The following ETS1 variants were observed in gnomAD, a reference collection of about 807,000 sequenced individuals.
ETS1 encodes the protein protein C-ets-1.
A neutral mutation model predicts 58.6 loss-of-function variants in ETS1; 15 were observed. The observed-to-expected ratio is 0.26, with a 90% CI of 0.17 to 0.39. The LOEUF (loss-of-function observed/expected upper bound fraction) is 0.39, where lower values mean the gene tolerates loss of function less well. ETS1 is among the 10% of genes least tolerant of loss of function. ETS1 has a pLI of 1.00. For missense variants in ETS1, 417 were observed against 610.5 expected, an observed-to-expected ratio of 0.68 and a Z score of 3.34; for synonymous variants, 214 against 218.2, an observed-to-expected ratio of 0.98 and a Z score of 0.17.
chr11:128,470,567 C>A (rs1862160598), intron 8 of ETS1, among the ~76,000 whole-genome samples: 1 of 151,818 alleles, frequency 6.6e-6, no homozygotes, highest in South Asian at 2.1e-4. Flanking sequence ...GAGAAAGACA[C>A]TTAAAGAGGT....
intron 3 of ETS1, among the ~76,000 whole-genome samples, chr11:128,531,546 T>C (rs895370698): frequency 6.6e-6 from 1 of 152,226 alleles, no homozygotes; most frequent in African/African-American, 2.4e-5. Flanking sequence ...GTGACAAAGA[T>C]AAGTTTTGGT....
At position 128,517,623 on chromosome 11, in the gene ETS1, T is replaced by C. The variant is rs1267056925; in HGVS notation, c.215-27047A>G. ...TCCACCACAGCCATGGATTATTCAT[T>C]ACACAAACCAGAGAGACATCTGTAA... On this transcript the variant is annotated intron_variant, in intron 3 of 9. Transcript: ENST00000392668. Among the ~76,000 whole-genome samples, 3 of 152,340 alleles carry C rather than the reference T, an allele frequency of 2.0e-5. No individual in the cohort carries two copies. In the East Asian group the frequency reaches 5.8e-4, roughly 29 times the overall value.
chr11:128,520,553 CAACCATCATAG>C (rs1407362489), intron 3 of ETS1, among the ~76,000 whole-genome samples: 1 of 152,232 alleles, frequency 6.6e-6, no homozygotes, highest in Non-Finnish European at 1.5e-5. Flanking sequence ...CCCCCAAACA[CAACCATCATAG>C]AAACAGCATT....
At chr11:128,533,232 A>G (rs559071757) in intron 3 of ETS1, among the ~76,000 whole-genome samples, 1 of 152,294 alleles carries the variant, frequency 6.6e-6, no homozygotes, top group South Asian at 2.1e-4. Flanking sequence ...TCACAGTGTA[A>G]AATCTTTGGC....
At chr11:128,567,678 G>T (rs1186166194) in intron 2 of ETS1, among the ~76,000 whole-genome samples, 2 of 151,646 alleles carry the variant, frequency 1.3e-5, no homozygotes, top group Non-Finnish European at 2.9e-5. Context: ...TGTTGCTCAG[G>T]CTGGAGTGCA....
chr11:128,580,571 A>G (rs138828738), intron 1 of ETS1, among the ~76,000 whole-genome samples: 1 of 152,244 alleles, frequency 6.6e-6, no homozygotes, highest in African/African-American at 2.4e-5. Flanking sequence ...TTTCTGTCTC[A>G]CTACTAAATC....
chr11:128,585,167 AGAGAAAGAAAGAAAGAAAGAAG>A lies in ETS1; in HGVS notation c.-15+2299_-15+2320del, dbSNP rs1864989819. On this transcript the variant is annotated intron_variant, in intron 1 of 9. Transcript: ENST00000392668. ...AAGAAAGAAAGAAAGAAAGAAAGAA[AGAGAAAGAAAGAAAGAAAGAAG>A]GAAGGAAAGAAAGAAAGAAAGAAAG... is the stretch of plus-strand genomic sequence containing the variant. Among the ~76,000 whole-genome samples the A allele has an allele frequency of 7.7e-5, 3 of 38,928 alleles. 1 individual carries two copies. Among genetic ancestry groups the A allele is most frequent in the African/African-American group, 4.6e-4 (3 of 6,526 alleles). 25.5% of individuals were successfully genotyped at this position (38,928 alleles called of 152,430 possible).
intron 2 of ETS1, among the ~76,000 whole-genome samples, chr11:128,567,837 T>A (rs11221354): frequency 6.6e-6 from 1 of 152,150 alleles, no homozygotes; most frequent in Non-Finnish European, 1.5e-5. Context: ...TTTTATCATG[T>A]TGGCCAGGCT....
At chr11:128,513,412 T>C (rs1263631479) in intron 3 of ETS1, among the ~76,000 whole-genome samples, 2 of 152,236 alleles carry the variant, frequency 1.3e-5, no homozygotes, top group Non-Finnish European at 2.9e-5. Context: ...CACAGACAGA[T>C]ACTGATGCAG....
chr11:128,487,224 G>A (rs1216703733), intron 5 of ETS1, among the ~76,000 whole-genome samples: 1 of 152,212 alleles, frequency 6.6e-6, no homozygotes, highest in Non-Finnish European at 1.5e-5. Flanking sequence ...AACTGAACCT[G>A]AAGAGGGAGA....
intron 2 of ETS1, among the ~76,000 whole-genome samples, chr11:128,571,342 G>A (rs769229219): frequency 6.6e-6 from 1 of 151,530 alleles, no homozygotes; most frequent in Non-Finnish European, 1.5e-5. Context: ...GCGTGAACCC[G>A]GGAGGCTGAG....
chr11:128,559,028 C>T (rs1019268291), intron 2 of ETS1, among the ~76,000 whole-genome samples: 6 of 152,138 alleles, frequency 3.9e-5, no homozygotes, highest in Non-Finnish European at 7.4e-5. Flanking sequence ...TTCTAAGTTA[C>T]CCACATCTGT....
Position 128,485,020 on chromosome 11 carries a change from G to A in ETS1, c.665C>T (p.Pro222Leu), listed in dbSNP as rs1246153557. Residue 222 changes from proline (P) to leucine (L), a missense_variant, in exon 7 of 10, where the codon CCC becomes CTC. Physicochemically the swap from Pro to Leu is moderately conservative, Grantham distance 98. Coordinates refer to ENST00000392668, the MANE Select transcript of ETS1 (RefSeq NM_001143820.2). ...QCVPPSEFSE[P>L]SFITESYQTL... Reference sequence around the variant, plus strand: ...CTGATAGGACTCTGTGATGAAGCTGGGCTCTGAGAACTCCGATGGTGGAAC... The same window carrying A: ...CTGATAGGACTCTGTGATGAAGCTGAGCTCTGAGAACTCCGATGGTGGAAC... 1.2e-5 allele frequency: 20 copies of A among 1,613,750 alleles called. No individual in the cohort carries two copies. Among genetic ancestry groups the A allele is most frequent in the Non-Finnish European group, 1.6e-5 (19 of 1,179,886 alleles).
chr11:128,508,408 GA>G (rs1863299939), intron 3 of ETS1, among the ~76,000 whole-genome samples: 1 of 152,160 alleles, frequency 6.6e-6, no homozygotes, highest in South Asian at 2.1e-4. Flanking sequence ...TTTGTCTAAG[GA>G]AAAATTAGTA....
At chr11:128,562,368 C>T (rs1253904506) in intron 2 of ETS1, among the ~76,000 whole-genome samples, 1 of 152,180 alleles carries the variant, frequency 6.6e-6, no homozygotes, top group East Asian at 1.9e-4. Flanking sequence ...GAGATCGTGC[C>T]ATTGCACTCC....
At chr11:128,499,702 C>T (rs7929911) in intron 3 of ETS1, among the ~76,000 whole-genome samples, 34,726 of 152,108 alleles carry the variant, frequency 0.23, 4,210 homozygotes, top group South Asian at 0.37. Flanking sequence ...CCTCAATCCC[C>T]GAGACTCTCT....
intron 3 of ETS1, among the ~76,000 whole-genome samples, chr11:128,509,164 A>G (rs1159627488): frequency 6.6e-6 from 1 of 152,244 alleles, no homozygotes; most frequent in Non-Finnish European, 1.5e-5. Flanking sequence ...GGATGGGTGG[A>G]AGGCATGGAA....
intron 8 of ETS1, among the ~76,000 whole-genome samples, chr11:128,477,767 A>G (rs1418091301): frequency 6.6e-6 from 1 of 152,202 alleles, no homozygotes; most frequent in South Asian, 2.1e-4. Flanking sequence ...GAGCCCACAT[A>G]CTCGCTTTTC....
chr11:128,583,255 G>C (rs1565419921), intron 1 of ETS1, among the ~76,000 whole-genome samples: 2 of 152,218 alleles, frequency 1.3e-5, no homozygotes, highest in African/African-American at 4.8e-5. Context: ...CAAGACTTCT[G>C]TGCCAAGGCT....
Sources: gnomAD v4.1 joint callset for allele counts (sites outside exome capture counted in the v4.1 genomes callset) on GRCh38, gnomAD v4.1.1 for gene constraint, MANE v1.5 for transcripts, NCBI Gene and HGNC (gene_info 2026-07-23, HGNC 2026-07-21) for gene names.